GOLGA4: variants seen among roughly 807,000 people sequenced by gnomAD.
The protein encoded by GOLGA4 is golgin A4, also known as golgin subfamily A member 4.
In GOLGA4, 169 loss-of-function variants were observed where a neutral mutation model predicts 265.9. The observed-to-expected ratio is 0.64, with a 90% confidence interval of 0.56 to 0.72. The LOEUF (loss-of-function observed/expected upper bound fraction) is 0.72, where lower values mean the gene tolerates loss of function less well. Ranked by LOEUF, GOLGA4 falls within the 30% of genes least tolerant of loss-of-function variation. The pLI is 0.00. For missense variants in GOLGA4, 2,482 were observed against 2,483.4 expected (o/e 1.00, Z 0.01); for synonymous variants, 923 against 855.8 (o/e 1.08, Z -1.37).
intron 17 of GOLGA4, among the ~76,000 whole-genome samples, chr3:37,336,874 C>T (rs2097015341): frequency 6.6e-6 from 1 of 151,804 alleles, no homozygotes; most frequent in African/African-American, 2.4e-5. Flanking sequence ...CTCCTTTATT[C>T]TTCATAAATT....
At chr3:37,265,367 C>A (rs2096780835) in intron 2 of GOLGA4, among the ~76,000 whole-genome samples, 1 of 152,058 alleles carries the variant, frequency 6.6e-6, no homozygotes, top group Non-Finnish European at 1.5e-5. Context: ...TCAAATGTTT[C>A]TTCTGTACAT....
At chr3:37,301,989 A>G (rs112543591) in intron 9 of GOLGA4, among the ~76,000 whole-genome samples, 196 bp from the exon 10 acceptor site, 5,837 of 152,194 alleles carry the variant, frequency 0.038, 143 homozygotes, top group African/African-American at 0.056. Context: ...GGGTTTCGCC[A>G]TGTTGGCCAG....
At chr3:37,331,350 C>G (rs1201708372) in intron 16 of GOLGA4, among the ~76,000 whole-genome samples, 1 of 152,172 alleles carries the variant, frequency 6.6e-6, no homozygotes, top group Non-Finnish European at 1.5e-5. Flanking sequence ...CTTAGACTTT[C>G]AACTGCTAGG....
chr3:37,276,397 G>A (rs2096818807), intron 2 of GOLGA4: 1 of 1,607,970 alleles, frequency 6.2e-7, no homozygotes, highest in Non-Finnish European at 8.5e-7. Flanking sequence ...AGCTGAAAGA[G>A]ATGTGGAAAA....
intron 2 of GOLGA4, among the ~76,000 whole-genome samples, chr3:37,269,374 C>T (rs1430174004): frequency 6.6e-6 from 1 of 152,128 alleles, no homozygotes; most frequent in Non-Finnish European, 1.5e-5. Flanking sequence ...CCATGGGACA[C>T]GTTTACCTAT....
chr3:37,302,386 T>A (rs940207904), intron 10 of GOLGA4, 54 bp downstream of exon 10: 6 of 1,458,014 alleles, frequency 4.1e-6, no homozygotes, highest in Non-Finnish European at 5.7e-6. Context: ...TTATTTAAAG[T>A]GCTTGACCAG....
chr3:37,337,879 G>A, intron 19 of GOLGA4, 145 bp downstream of exon 19: 1 of 584,704 alleles, frequency 1.7e-6, no homozygotes, highest in Admixed American at 3.0e-5. Context: ...AGGTACTAGA[G>A]GTTTTCTCTC....
rs768389604 is a variant in GOLGA4 at position 37,325,580 on chromosome 3, A to G, written c.3694A>G (p.Thr1232Ala). 6.2e-7 allele frequency: 1 copy of G among 1,613,034 alleles called. No homozygotes were observed. Among genetic ancestry groups the G allele is most frequent in the South Asian group, 1.1e-5 (1 of 91,010 alleles). The change falls in exon 14 of 24, where the codon ACA (threonine) becomes GCA (alanine). Residue 1232 changes from threonine (T) to alanine (A), a missense_variant. By Grantham distance (58) the Thr-to-Ala change is moderately conservative. This residue lies in a region of GOLGA4 where 1,536 missense variants were observed against 1,483.7 expected (regional missense o/e 1.04). Transcript: ENST00000361924. ...KKTEALLEAKTNELINISSSK... is the reference protein window; with the variant it reads ...KKTEALLEAKANELINISSSK... ...AACCGAAGCCTTATTAGAAGCTAAA[A>G]CAAATGAGCTAATCAACATTAGTAG...
At position 37,327,362 on chromosome 3, in the gene GOLGA4, C is replaced by G. The variant is rs2096974989; in HGVS notation, c.5476C>G (p.Gln1826Glu). The G allele has an allele frequency of 1.2e-6, 2 of 1,613,742 alleles. No individual in the cohort carries two copies. The highest frequency in any genetic ancestry group is 8.5e-7 in the Non-Finnish European group (1 of 1,179,720). Residue 1826 changes from glutamine to glutamate, a missense_variant, in exon 14 of 24, where the codon CAG (glutamine) becomes GAG (glutamate). This residue lies in a region of GOLGA4 where 942 missense variants were observed against 983.1 expected (regional missense o/e 0.96). Coordinates refer to ENST00000361924, the MANE Select transcript of GOLGA4 (RefSeq NM_002078.5). The stretch of plus-strand genomic sequence containing the variant: ...AAAAGAAGGAGGTAAAAATAACATA[C>G]AGGCAAAGCAAAACTTGGAAAATGT... Reference protein sequence around the residue: ...VEKEGGKNNIQAKQNLENVFD... With the variant: ...VEKEGGKNNIEAKQNLENVFD...
Position 37,243,326 on chromosome 3 carries a change from C to T in GOLGA4, c.-225C>T, listed in dbSNP as rs2096707872. 8.8e-6 allele frequency: 5 copies of T among 569,638 alleles called. No homozygotes were observed. In the Admixed American group the frequency reaches 1.7e-4, roughly 19 times the overall value. 35.3% of individuals were successfully genotyped at this position (569,638 alleles called of 1,614,324 possible). A position where few individuals can be genotyped will look rare whatever the true frequency, so the allele number is the denominator to read the frequency against. On this transcript the variant is annotated 5_prime_UTR_variant, in exon 1 of 24. Transcript: ENST00000361924. Reference sequence around the variant, plus strand: ...GCGGCTCCCGGGGCTGGATGGGGGGCCGAGGCCAGCCAGTGGCACCCGGAA... The same window carrying T: ...GCGGCTCCCGGGGCTGGATGGGGGGTCGAGGCCAGCCAGTGGCACCCGGAA...
intron 10 of GOLGA4, among the ~76,000 whole-genome samples, chr3:37,306,906 T>G (rs1332242133): frequency 1.3e-5 from 2 of 152,158 alleles, no homozygotes; most frequent in Non-Finnish European, 2.9e-5. Context: ...TCTTTGAATT[T>G]TATCTTAGGA....
intron 7 of GOLGA4, among the ~76,000 whole-genome samples, chr3:37,298,190 G>A (rs940376585): frequency 2.6e-5 from 4 of 152,170 alleles, no homozygotes; most frequent in African/African-American, 9.7e-5. Flanking sequence ...TTCACGCAGA[G>A]CCGAGTGTGC....
In GOLGA4 at chr3:37,326,176, T is replaced by A; in HGVS notation, c.4290T>A (p.Ser1430=). 1 of 1,613,468 alleles carries A rather than the reference T, an allele frequency of 6.2e-7. No individual in the cohort carries two copies. The change falls in exon 14 of 24, where the codon TCT becomes TCA. Residue 1430 remains serine, a synonymous_variant. Coordinates refer to ENST00000361924, the MANE Select transcript of GOLGA4 (RefSeq NM_002078.5). The part of the protein sequence containing the change: ...KVDTLSKEKI[S]ALEQVDDWSN... ...ACACTCTGAGTAAAGAGAAAATTTC[T>A]GCTCTTGAGCAGGTAGATGACTGGT...
At chr3:37,320,885 ATATAG>A (rs374904024) in intron 12 of GOLGA4, among the ~76,000 whole-genome samples, 8 of 152,130 alleles carry the variant, frequency 5.3e-5, no homozygotes, top group East Asian at 3.8e-4. Flanking sequence ...ACATTAAATA[ATATAG>A]TATATTTAAA....
intron 23 of GOLGA4, among the ~76,000 whole-genome samples, chr3:37,363,554 T>C (rs2151098193): frequency 6.6e-6 from 1 of 152,364 alleles, no homozygotes; most frequent in Non-Finnish European, 1.5e-5. Context: ...TCTCTCCATT[T>C]ATATTATTCC....
intron 2 of GOLGA4, among the ~76,000 whole-genome samples, chr3:37,263,652 A>G (rs1321845451): frequency 6.6e-6 from 1 of 152,184 alleles, no homozygotes; most frequent in Non-Finnish European, 1.5e-5. Context: ...CTTAGGCTTT[A>G]AGGTGGCTGC....
chr3:37,320,396 G>A lies in GOLGA4; in HGVS notation c.1545+1202G>A, dbSNP rs1432271918. Reference sequence around the variant, plus strand: ...TTTAGATTTTAATCTTCTTTCTTACGTGTATTGTTGTTTTCACTCTTAGTT... The same window carrying A: ...TTTAGATTTTAATCTTCTTTCTTACATGTATTGTTGTTTTCACTCTTAGTT... On this transcript the variant is annotated intron_variant, in intron 12 of 23. Transcript: ENST00000361924. 2.0e-5 allele frequency: 3 copies of A among 152,036 alleles called. No individual in the cohort carries two copies. The East Asian group carries it at 5.8e-4, about 29-fold the overall frequency. 9.4% of individuals were successfully genotyped at this position (152,036 alleles called of 1,614,324 possible).
intron 2 of GOLGA4, among the ~76,000 whole-genome samples, chr3:37,273,876 C>T (rs1369313200): frequency 2.0e-5 from 3 of 151,954 alleles, no homozygotes; most frequent in Non-Finnish European, 2.9e-5. Context: ...CTGAGGTGGG[C>T]GGATCGCTTG....
intron 21 of GOLGA4, among the ~76,000 whole-genome samples, chr3:37,349,041 T>C (rs1174473731): frequency 6.6e-6 from 1 of 152,154 alleles, no homozygotes; most frequent in African/African-American, 2.4e-5. Flanking sequence ...AGTAGTGCTC[T>C]CTCTCCTCTT....
Sources: allele counts gnomAD v4.1 joint callset (sites outside exome capture counted in the v4.1 genomes callset), GRCh38; gene constraint gnomAD v4.1.1; regional missense constraint gnomAD v4.1.1; transcripts MANE v1.5; gene names NCBI Gene and HGNC (gene_info 2026-07-23, HGNC 2026-07-21).